SNAPC1: variants seen among roughly 807,000 people sequenced by gnomAD.
SNAPC1 encodes the protein snRNA-activating protein complex subunit 1.
SNAPC1 carries 42 observed loss-of-function variants against 50.1 expected under a neutral mutation model. The ratio of observed to expected loss-of-function variants is 0.84; its 90% CI spans 0.65 to 1.08. The LOEUF is 1.08. Among genes scored for constraint, SNAPC1 ranks in the 50% least tolerant of loss-of-function variants. The pLI is 0.00. For synonymous variants in SNAPC1, 164 were observed against 144.2 expected (o/e 1.14, Z -0.98); for missense variants, 477 against 427.3 (o/e 1.12, Z -1.02).
intron 1 of SNAPC1, 83 bp downstream of exon 1, chr14:61,762,671 T>A: frequency 2.0e-6 from 3 of 1,517,132 alleles, no homozygotes; most frequent in Non-Finnish European, 2.7e-6. Context: ...ATATTGCACT[T>A]GTGAAGGGCT....
intron 3 of SNAPC1, among the ~76,000 whole-genome samples, chr14:61,768,356 A>G (rs949266610): frequency 2.6e-5 from 4 of 152,262 alleles, no homozygotes; most frequent in Non-Finnish European, 4.4e-5. Flanking sequence ...TAATTGAGAC[A>G]CTAGGTTGAA....
intron 1 of SNAPC1, among the ~76,000 whole-genome samples, chr14:61,763,271 G>A (rs181395618): frequency 6.6e-6 from 1 of 152,200 alleles, no homozygotes; most frequent in Admixed American, 6.5e-5. Context: ...GATTACAGGA[G>A]TGAGCCACCG....
chr14:61,783,817 C>T (rs140009371), intron 8 of SNAPC1, among the ~76,000 whole-genome samples: 1,807 of 151,956 alleles, frequency 0.012, 29 homozygotes, highest in African/African-American at 0.039. Context: ...GGATTACGGG[C>T]GTGAGCCACC....
intron 7 of SNAPC1, 120 bp from the exon 8 acceptor site, chr14:61,782,127 T>G (rs990987112): frequency 2.2e-5 from 17 of 772,400 alleles, no homozygotes; most frequent in Non-Finnish European, 3.0e-5. Flanking sequence ...GTAAAGTACT[T>G]TATGACAGAT....
chr14:61,788,365 G>A (rs1434217701), intron 8 of SNAPC1, among the ~76,000 whole-genome samples: 4 of 152,130 alleles, frequency 2.6e-5, no homozygotes, highest in African/African-American at 4.8e-5. Context: ...ACAGTGGAAA[G>A]GTGTTTTTGA....
At chr14:61,789,952 G>A (rs530503185) in intron 8 of SNAPC1, among the ~76,000 whole-genome samples, 2 of 152,272 alleles carry the variant, frequency 1.3e-5, no homozygotes, top group African/African-American at 2.4e-5. Flanking sequence ...TAGGAGTAAC[G>A]AGCGTGTGCC....
chr14:61,774,344 C>G (rs565259428), intron 4 of SNAPC1, among the ~76,000 whole-genome samples: 2 of 152,172 alleles, frequency 1.3e-5, no homozygotes, highest in African/African-American at 4.8e-5. Flanking sequence ...TGAATACTTT[C>G]ACCTGTATAA....
rs767793462 is a variant in SNAPC1, at chr14:61,783,017, ATTTTTT to A, written c.976+637_976+642del. Among the ~76,000 whole-genome samples the A allele has an allele frequency of 1.7e-5, 2 of 115,258 alleles. 1 individual carries two copies. Among genetic ancestry groups the A allele is most frequent in the African/African-American group, 6.8e-5 (2 of 29,434 alleles). The allele number at this position is 115,258 out of a possible 152,430, so 75.6% of individuals were successfully genotyped here. On this transcript the variant is annotated intron_variant, in intron 8 of 9. Transcript: ENST00000216294. Reference sequence around the variant, plus strand: ...AAATCAGTCTAGAATTTTCCAGTGCATTTTTTTTTTTTTTTTTTTTTTGAGAGGGAG... The same window carrying A: ...AAATCAGTCTAGAATTTTCCAGTGCATTTTTTTTTTTTTTTTGAGAGGGAG...
intron 8 of SNAPC1, among the ~76,000 whole-genome samples, chr14:61,787,995 G>A (rs909405933): frequency 6.6e-6 from 1 of 152,160 alleles, no homozygotes; most frequent in African/African-American, 2.4e-5. Flanking sequence ...AACAAAATAG[G>A]AAAAGAAAGA....
At chr14:61,773,113 G>T (rs1025922384) in intron 4 of SNAPC1, among the ~76,000 whole-genome samples, 1 of 152,134 alleles carries the variant, frequency 6.6e-6, no homozygotes, top group South Asian at 2.1e-4. Context: ...CTGAATTCTG[G>T]TCATGATTCT....
At chr14:61,771,185 A>G (rs2044988253) in intron 4 of SNAPC1, among the ~76,000 whole-genome samples, 1 of 152,142 alleles carries the variant, frequency 6.6e-6, no homozygotes, top group Admixed American at 6.5e-5. Context: ...TAATGCAGGA[A>G]CTCTGGGAAA....
intron 6 of SNAPC1, 81 bp downstream of exon 6, chr14:61,778,221 G>C (rs1248635829): frequency 2.6e-6 from 2 of 763,610 alleles, no homozygotes; most frequent in African/African-American, 3.7e-5. Flanking sequence ...AGTATTATAA[G>C]ACATATAAGA....
rs2045183411 is a variant in SNAPC1, at chr14:61,795,579, A to C, written c.*596A>C. 6.6e-6 allele frequency: 1 copy of C among 152,262 alleles called. No homozygotes were observed. Among genetic ancestry groups the C allele is most frequent in the Non-Finnish European group, 1.5e-5 (1 of 67,996 alleles). 9.4% of individuals were successfully genotyped at this position (152,262 alleles called of 1,614,324 possible). On this transcript the variant is annotated 3_prime_UTR_variant, in exon 10 of 10. Transcript: ENST00000216294. ...TATTCTTTAGTGCTTGTTTATTATT[A>C]CTAAATACTAATTAAGTACTAACAA...
At position 61,767,351 on chromosome 14, in the gene SNAPC1, T is replaced by A; in HGVS notation, c.428T>A (p.Leu143Ter). 6.9e-7 allele frequency: 1 copy of A among 1,455,794 alleles called. No homozygotes were observed. Among genetic ancestry groups the A allele is most frequent in the Non-Finnish European group, 9.1e-7 (1 of 1,098,370 alleles). 90.2% of individuals were successfully genotyped at this position (1,455,794 alleles called of 1,614,324 possible). A position where few individuals can be genotyped will look rare whatever the true frequency, so the allele number is the denominator to read the frequency against. The change falls in exon 3 of 10, where the codon TTG (leucine) becomes TAG (stop). Residue 143 changes from leucine to a stop codon, truncating the protein, a stop_gained and splice_region_variant. Transcript: ENST00000216294. LOFTEE classifies it high-confidence loss of function. Reference protein sequence around the residue: ...RAFHFTAMPKLLSYRMKKKIH... With the variant: ...RAFHFTAMPK ...TTTCACTTTACAGCAATGCCCAAATTGGTATGTTGCCTAAAATAATTTGGT... is the reference window on the plus strand; with the variant it reads ...TTTCACTTTACAGCAATGCCCAAATAGGTATGTTGCCTAAAATAATTTGGT...
At chr14:61,778,495 AT>A (rs2045050700) in intron 6 of SNAPC1, among the ~76,000 whole-genome samples, 1 of 152,214 alleles carries the variant, frequency 6.6e-6, no homozygotes, top group Non-Finnish European at 1.5e-5. Flanking sequence ...CAGAGTTTTC[AT>A]CCATCTTAGT....
At chr14:61,782,504 G>C in intron 8 of SNAPC1, 107 bp downstream of exon 8, 1 of 747,218 alleles carries the variant, frequency 1.3e-6, no homozygotes, top group Non-Finnish European at 2.1e-6. Context: ...ACTTGTTTGA[G>C]AACATTTTTG....
Position 61,762,878 on chromosome 14 carries a change from GC to G in SNAPC1, c.128+293del, listed in dbSNP as rs2140172019. On this transcript the variant is annotated intron_variant, in intron 1 of 9. Transcript: ENST00000216294. ...ACCCTGAGCCAGGCCACTATCATTT[GC>G]CCTTCCCCAGTCTTGTTCTAGGACC... Among the ~76,000 whole-genome samples, 3 of 150,732 alleles carry G rather than the reference GC, an allele frequency of 2.0e-5. No individual in the cohort carries two copies. In the South Asian group the frequency reaches 6.3e-4, roughly 32 times the overall value.
At chr14:61,792,776 T>A (rs1566594666) in intron 8 of SNAPC1, 31 bp from the exon 9 acceptor site, 14 of 1,197,780 alleles carry the variant, frequency 1.2e-5, no homozygotes, top group Non-Finnish European at 1.7e-5. Context: ...TTCTTTGCTT[T>A]CATATAAAAT....
chr14:61,795,198 G>A lies in SNAPC1; in HGVS notation c.*215G>A. 2.0e-6 allele frequency: 1 copy of A among 502,094 alleles called. No individual in the cohort carries two copies. The highest frequency in any genetic ancestry group is 3.5e-6 in the Non-Finnish European group (1 of 287,760). 31.1% of individuals were successfully genotyped at this position (502,094 alleles called of 1,614,324 possible). A position where few individuals can be genotyped will look rare whatever the true frequency, so the allele number is the denominator to read the frequency against. ...ATTTTCTTTAATGATTTGCATAAAT[G>A]GAGATAAAACTTGTATTTAGTATGT... On this transcript the variant is annotated 3_prime_UTR_variant, in exon 10 of 10. Coordinates refer to ENST00000216294, the MANE Select transcript of SNAPC1 (RefSeq NM_003082.4).
Sources: allele counts gnomAD v4.1 joint callset (sites outside exome capture counted in the v4.1 genomes callset), GRCh38; gene constraint gnomAD v4.1.1; transcripts MANE v1.5; gene names NCBI Gene and HGNC (gene_info 2026-07-23, HGNC 2026-07-21).